KDM2A: variants seen among roughly 807,000 people sequenced by gnomAD.
KDM2A encodes lysine-specific demethylase 2A.
In KDM2A, 3 loss-of-function variants were observed where a neutral mutation model predicts 137.3. The observed-to-expected ratio is 0.02, with a 90% CI of 0.01 to 0.06. KDM2A has a LOEUF of 0.06. Ranked by LOEUF, KDM2A falls within the 10% of genes least tolerant of loss-of-function variation. The pLI, the probability that KDM2A is intolerant of heterozygous loss-of-function variation, is 1.00. For missense variants in KDM2A, 738 were observed against 1,510.6 expected (o/e 0.49, Z 8.48); for synonymous variants, 512 against 541.5 (o/e 0.95, Z 0.76).
At chr11:67,166,581 C>A (rs927678900) in intron 2 of KDM2A, among the ~76,000 whole-genome samples, 1 of 152,002 alleles carries the variant, frequency 6.6e-6, no homozygotes, top group Non-Finnish European at 1.5e-5. Flanking sequence ...ACTTCTTGCC[C>A]GGCATGGTGG....
chr11:67,157,349 T>C (rs1460481078), intron 2 of KDM2A, among the ~76,000 whole-genome samples: 1 of 150,300 alleles, frequency 6.7e-6, no homozygotes, highest in African/African-American at 2.4e-5. Flanking sequence ...CACCACACAG[T>C]TGGCAAATTT....
Position 67,257,278 on chromosome 11 carries a change from C to T in KDM2A, c.*2223C>T, listed in dbSNP as rs77100298. ...GGTTTGGAAAAACATGCATTTTTACCGTGCACGTAAATTGGTCAGCAGAAA... is the reference window on the plus strand; with the variant it reads ...GGTTTGGAAAAACATGCATTTTTACTGTGCACGTAAATTGGTCAGCAGAAA... On this transcript the variant is annotated 3_prime_UTR_variant, in exon 21 of 21. Transcript: ENST00000529006. 1.9e-4 allele frequency: 29 copies of T among 152,492 alleles called. No homozygotes were observed. Among genetic ancestry groups the T allele is most frequent in the African/African-American group, 6.8e-4 (28 of 41,440 alleles). The allele number at this position is 152,492 out of a possible 1,614,324, so 9.4% of individuals were successfully genotyped here. A position where few individuals can be genotyped will look rare whatever the true frequency, so the allele number is the denominator to read the frequency against.
intron 2 of KDM2A, among the ~76,000 whole-genome samples, chr11:67,163,408 A>AT: frequency 6.6e-6 from 1 of 152,220 alleles, no homozygotes. Context: ...TCCAAAAGGT[A>AT]TGGACTTGGA....
At chr11:67,211,430 A>G (rs1265770596) in intron 6 of KDM2A, among the ~76,000 whole-genome samples, 1 of 151,808 alleles carries the variant, frequency 6.6e-6, no homozygotes, top group Non-Finnish European at 1.5e-5. Flanking sequence ...CCTGGCCAAC[A>G]TGGTGAAACC....
intron 2 of KDM2A, among the ~76,000 whole-genome samples, chr11:67,121,586 G>T (rs546615346): frequency 6.6e-6 from 1 of 152,220 alleles, no homozygotes; most frequent in South Asian, 2.1e-4. Context: ...GTAGCCTTTA[G>T]CTTTTATAGA....
chr11:67,248,492 G>T, intron 16 of KDM2A, 122 bp downstream of exon 16: 1 of 634,880 alleles, frequency 1.6e-6, no homozygotes, highest in Non-Finnish European at 2.7e-6. Flanking sequence ...GATTATTTTT[G>T]TTTGGTTTGG....
chr11:67,170,329 A>G (rs1247460125), intron 2 of KDM2A, among the ~76,000 whole-genome samples: 2 of 151,624 alleles, frequency 1.3e-5, no homozygotes, highest in Non-Finnish European at 2.9e-5. Flanking sequence ...AACAAATATC[A>G]GAAATCTCTT....
At chr11:67,137,827 C>G (rs1362991163) in intron 2 of KDM2A, among the ~76,000 whole-genome samples, 1 of 152,030 alleles carries the variant, frequency 6.6e-6, no homozygotes, top group Non-Finnish European at 1.5e-5. Flanking sequence ...GAAGGGGTCT[C>G]AGCTCTGTCG....
chr11:67,181,246 A>T (rs991868331), intron 3 of KDM2A, 74 bp from the exon 4 acceptor site: 35 of 907,588 alleles, frequency 3.9e-5, no homozygotes, highest in Non-Finnish European at 5.1e-5. Flanking sequence ...TGTATTACTT[A>T]GGATCCTTTT....
chr11:67,159,803 A>G (rs1217282323), intron 2 of KDM2A, among the ~76,000 whole-genome samples: 1 of 152,148 alleles, frequency 6.6e-6, no homozygotes, highest in Admixed American at 6.6e-5. Context: ...GTGGGAATGG[A>G]TCTGTTTTTG....
At chr11:67,169,111 G>A (rs1364186971) in intron 2 of KDM2A, among the ~76,000 whole-genome samples, 2 of 149,406 alleles carry the variant, frequency 1.3e-5, no homozygotes, top group Non-Finnish European at 3.0e-5. Flanking sequence ...GCCTGCCACC[G>A]CGCCTGGCCA....
intron 15 of KDM2A, among the ~76,000 whole-genome samples, chr11:67,247,613 T>C (rs1859289906): frequency 6.6e-6 from 1 of 151,658 alleles, no homozygotes; most frequent in Admixed American, 6.6e-5. Flanking sequence ...TAAGTAGAGT[T>C]GGGGTTTCAC....
In KDM2A at chr11:67,254,820, C is replaced by T; in HGVS notation, c.3308-54C>T. The T allele has an allele frequency of 6.7e-7, 1 of 1,483,602 alleles. No homozygotes were observed. Among genetic ancestry groups the T allele is most frequent in the Non-Finnish European group, 9.4e-7 (1 of 1,068,906 alleles). 91.9% of individuals were successfully genotyped at this position (1,483,602 alleles called of 1,614,324 possible). ...AAAGACGGCTACAGGAATTGAATGG[C>T]AGAGGAAAGCTGTGTGTATGTGAGC... On this transcript the variant is annotated intron_variant, in intron 20 of 20. Coordinates refer to ENST00000529006, the MANE Select transcript of KDM2A (RefSeq NM_012308.3). This position sits in a 1 kb window ranked among gnomAD's most constrained non-coding sequence, Gnocchi z 4.7.
intron 2 of KDM2A, among the ~76,000 whole-genome samples, chr11:67,158,054 T>C (rs184963120): frequency 6.6e-6 from 1 of 151,716 alleles, no homozygotes; most frequent in African/African-American, 2.4e-5. Context: ...CAGTATCATA[T>C]AGAATAGTTT....
In KDM2A at chr11:67,127,340, G is replaced by A. The variant is rs1855754050; in HGVS notation, c.42+5982G>A. Among the ~76,000 whole-genome samples, 4 of 151,954 alleles carry A rather than the reference G, an allele frequency of 2.6e-5. 1 individual carries two copies. The South Asian group carries it at 8.3e-4, about 31-fold the overall frequency. Reference sequence around the variant, plus strand: ...GGTCTGGTTTTTTTTGCTCAGTCTGGTCTTGAACTCCCAGACTCAAGCGAT... The same window carrying A: ...GGTCTGGTTTTTTTTGCTCAGTCTGATCTTGAACTCCCAGACTCAAGCGAT... On this transcript the variant is annotated intron_variant, in intron 2 of 20. Transcript: ENST00000529006.
chr11:67,140,685 G>A (rs1228232903), intron 2 of KDM2A, among the ~76,000 whole-genome samples: 1 of 152,058 alleles, frequency 6.6e-6, no homozygotes. Context: ...CCCGTGAGGC[G>A]GAGGTTGCAG....
chr11:67,173,450 G>T (rs1385796795), intron 2 of KDM2A, among the ~76,000 whole-genome samples: 2 of 151,978 alleles, frequency 1.3e-5, no homozygotes, highest in African/African-American at 2.4e-5. Flanking sequence ...TAGAGAAGGG[G>T]TTTTGCAATA....
chr11:67,226,849 A>G (rs1014538703), intron 10 of KDM2A, among the ~76,000 whole-genome samples: 3 of 152,314 alleles, frequency 2.0e-5, no homozygotes, highest in African/African-American at 7.2e-5. Flanking sequence ...TAAATTAGCC[A>G]GGTGTGGTGG....
At chr11:67,200,360 C>T (rs754467838) in intron 5 of KDM2A, among the ~76,000 whole-genome samples, 48 of 152,204 alleles carry the variant, frequency 3.2e-4, no homozygotes, top group East Asian at 1.4e-3. Flanking sequence ...GGACTACAGG[C>T]GTCCGCCACC....
Sources: gnomAD v4.1 joint callset for allele counts (sites outside exome capture counted in the v4.1 genomes callset) on GRCh38, gnomAD v4.1.1 for gene constraint, Gnocchi (gnomAD v3.1) non-coding constraint, MANE v1.5 for transcripts, NCBI Gene and HGNC (gene_info 2026-07-23, HGNC 2026-07-21) for gene names.